ATP8A2: variants seen among roughly 807,000 people sequenced by gnomAD.
ATP8A2 encodes the protein ATPase phospholipid transporting 8A2.
A neutral mutation model predicts 165.6 loss-of-function variants in ATP8A2; 100 were observed. The observed-to-expected ratio is 0.60, with a 90% CI of 0.51 to 0.71. The LOEUF is 0.71. Among genes scored for constraint, ATP8A2 ranks in the 30% least tolerant of loss-of-function variants. The pLI, the probability that ATP8A2 is intolerant of heterozygous loss-of-function variation, is 0.00. For missense variants in ATP8A2, 1,227 were observed against 1,479.5 expected (o/e 0.83, Z 2.80); for synonymous variants, 543 against 548.8 (o/e 0.99, Z 0.15).
intron 2 of ATP8A2, among the ~76,000 whole-genome samples, chr13:25,471,543 A>G (rs1294378378): frequency 6.6e-6 from 1 of 152,144 alleles, no homozygotes; most frequent in Non-Finnish European, 1.5e-5. Flanking sequence ...GGGCTTCGCC[A>G]TGTTGGCCAG....
intron 23 of ATP8A2, among the ~76,000 whole-genome samples, chr13:25,586,721 A>C (rs2039931691): frequency 6.6e-6 from 1 of 152,146 alleles, no homozygotes. Context: ...TGATCTCAGG[A>C]TATATGGTGT....
chr13:25,865,251 T>G (rs921606728), intron 33 of ATP8A2, among the ~76,000 whole-genome samples: 4 of 152,160 alleles, frequency 2.6e-5, no homozygotes, highest in Non-Finnish European at 5.9e-5. Flanking sequence ...TAAAGGGTAT[T>G]CTAGGAAAAG....
rs147734548 is a variant in ATP8A2 at position 25,721,190 on chromosome 13, C to A, written c.2384+21845C>A. On this transcript the variant is annotated intron_variant, in intron 25 of 36. Transcript: ENST00000381655. The stretch of plus-strand genomic sequence containing the variant: ...GTGTTTCTCAGGTTGGTCTCAAACT[C>A]CTGACTTCAAGTGAGCTTTTTTTTT... 8.4e-3 allele frequency among the ~76,000 whole-genome samples: 1,281 copies of A among 151,646 alleles called. 18 individuals are homozygous for A. Among genetic ancestry groups the A allele is most frequent in the African/African-American group, 0.029 (1,208 of 41,338 alleles).
intron 2 of ATP8A2, among the ~76,000 whole-genome samples, chr13:25,499,911 C>G (rs987243440): frequency 1.3e-5 from 2 of 151,948 alleles, no homozygotes; most frequent in Admixed American, 1.3e-4. Context: ...GTGTGAGAAA[C>G]GGGAGGTAGA....
intron 33 of ATP8A2, among the ~76,000 whole-genome samples, chr13:25,946,937 G>C (rs372002360): frequency 5.2e-4 from 79 of 152,190 alleles, no homozygotes; most frequent in African/African-American, 1.7e-3. Context: ...TAGTAGAGAC[G>C]GGGTTTCGCC....
At chr13:25,845,491 C>T (rs998379703) in intron 30 of ATP8A2, among the ~76,000 whole-genome samples, 1 of 152,198 alleles carries the variant, frequency 6.6e-6, no homozygotes, top group African/African-American at 2.4e-5. Context: ...ACCGTAGAAA[C>T]TGCTCCCTCA....
rs137901690 is a variant in ATP8A2 at position 25,891,941 on chromosome 13, T to C, written c.3183+29533T>C. ...TGTGTGGTTTGCTTGATTTTGAGGC[T>C]TCATAATCTTTTAAAAAGATGGAGA... On this transcript the variant is annotated intron_variant, in intron 33 of 36. Coordinates refer to ENST00000381655, the MANE Select transcript of ATP8A2 (RefSeq NM_016529.6). Among the ~76,000 whole-genome samples the C allele has an allele frequency of 5.7e-3, 861 of 152,252 alleles. 8 individuals carry two copies. Among genetic ancestry groups the C allele is most frequent in the African/African-American group, 0.019 (777 of 41,560 alleles).
rs145805178 is a variant in ATP8A2 at position 25,705,063 on chromosome 13, T to C, written c.2384+5718T>C. ...TAGGATTTGTCATTCTCCAAAGGGG[T>C]GAAAGTTATGTGGAAAATGTGTAAA... is the stretch of plus-strand genomic sequence containing the variant. On this transcript the variant is annotated intron_variant, in intron 25 of 36. Coordinates refer to ENST00000381655, the MANE Select transcript of ATP8A2 (RefSeq NM_016529.6). 1.2e-3 allele frequency: 366 copies of C among 313,176 alleles called. 3 individuals carry two copies. The highest frequency in any genetic ancestry group is 6.6e-3 in the African/African-American group (296 of 44,548). The allele number at this position is 313,176 out of a possible 1,614,324, so 19.4% of individuals were successfully genotyped here.
At chr13:25,834,186 G>GA (rs1951549191) in intron 28 of ATP8A2, among the ~76,000 whole-genome samples, 2 of 152,206 alleles carry the variant, frequency 1.3e-5, no homozygotes, top group Admixed American at 6.5e-5. Context: ...GGTAGTTGGG[G>GA]AAATGCAGCT....
chr13:25,691,248 T>A (rs1475733088), intron 24 of ATP8A2, among the ~76,000 whole-genome samples: 3 of 152,202 alleles, frequency 2.0e-5, no homozygotes, highest in African/African-American at 7.2e-5. Context: ...ATGAAAGTGT[T>A]CTGTATCTTG....
intron 27 of ATP8A2, among the ~76,000 whole-genome samples, chr13:25,794,731 T>C (rs1260144484): frequency 6.6e-6 from 1 of 152,096 alleles, no homozygotes; most frequent in Non-Finnish European, 1.5e-5. Context: ...CAGTAATTGC[T>C]TCTTGGTATT....
chr13:25,867,139 CTTT>C (rs11331686), intron 33 of ATP8A2, among the ~76,000 whole-genome samples: 25 of 131,936 alleles, frequency 1.9e-4, no homozygotes, highest in Admixed American at 7.5e-4. Flanking sequence ...CTGGGACAGG[CTTT>C]TTTTTTTTTT....
At chr13:25,582,206 T>C (rs1261557346) in intron 23 of ATP8A2, among the ~76,000 whole-genome samples, 1 of 152,254 alleles carries the variant, frequency 6.6e-6, no homozygotes, top group Non-Finnish European at 1.5e-5. Context: ...AATTCAAGAT[T>C]TGACAGCTTT....
chr13:25,910,289 G>A (rs1042167268), intron 33 of ATP8A2, among the ~76,000 whole-genome samples: 4 of 152,162 alleles, frequency 2.6e-5, no homozygotes, highest in Non-Finnish European at 5.9e-5. Flanking sequence ...GAAGTTCTGG[G>A]TTCTAGGTTG....
At chr13:25,659,648 A>T (rs2042008306) in intron 24 of ATP8A2, among the ~76,000 whole-genome samples, 1 of 152,242 alleles carries the variant, frequency 6.6e-6, no homozygotes, top group Non-Finnish European at 1.5e-5. Flanking sequence ...GTAGTCCTTT[A>T]TCAGGATGGT....
chr13:25,379,700 G>T (rs906783689), intron 1 of ATP8A2, among the ~76,000 whole-genome samples: 23 of 152,144 alleles, frequency 1.5e-4, no homozygotes, highest in Admixed American at 6.5e-4. Context: ...AAACTAAGTG[G>T]TCTTCTGGGA....
intron 1 of ATP8A2, among the ~76,000 whole-genome samples, chr13:25,403,343 G>T (rs1355143037): frequency 6.6e-6 from 1 of 152,132 alleles, no homozygotes; most frequent in Admixed American, 6.5e-5. Flanking sequence ...TGTTACAGCG[G>T]GAGGAAGAGA....
rs1008158567 is a variant in ATP8A2 at position 26,021,555 on chromosome 13, A to G, written c.*1570A>G. 1 of 152,206 alleles carries G rather than the reference A, an allele frequency of 6.6e-6. No homozygotes were observed. Among genetic ancestry groups the G allele is most frequent in the Non-Finnish European group, 1.5e-5 (1 of 68,044 alleles). 9.4% of individuals were successfully genotyped at this position (152,206 alleles called of 1,614,324 possible). ...TGCAGAGTCCCACACTTAAATCTCA[A>G]CAGAACCTAGATGTCTTCAGGCATG... is the stretch of plus-strand genomic sequence containing the variant. On this transcript the variant is annotated 3_prime_UTR_variant, in exon 37 of 37. Transcript: ENST00000381655.
chr13:25,989,639 CT>C lies in ATP8A2; in HGVS notation c.3377+20967del, dbSNP rs570923654. ...TAATGCCTGGCTGACATTTCCTTTTCTTTTTTTCTAGCACCTTATGCTCATT... is the reference window on the plus strand; with the variant it reads ...TAATGCCTGGCTGACATTTCCTTTTCTTTTTTCTAGCACCTTATGCTCATT... On this transcript the variant is annotated intron_variant, in intron 35 of 36. Coordinates refer to ENST00000381655, the MANE Select transcript of ATP8A2 (RefSeq NM_016529.6). Among the ~76,000 whole-genome samples, 216 of 152,264 alleles carry C rather than the reference CT, an allele frequency of 1.4e-3. 1 individual carries two copies. The highest frequency in any genetic ancestry group is 6.6e-3 in the South Asian group (32 of 4,826).
Sources: gnomAD v4.1 joint callset for allele counts (sites outside exome capture counted in the v4.1 genomes callset) on GRCh38, gnomAD v4.1.1 for gene constraint, MANE v1.5 for transcripts, NCBI Gene and HGNC (gene_info 2026-07-23, HGNC 2026-07-21) for gene names.